Variants in KDM1B observed in about 807,000 individuals in gnomAD.
KDM1B encodes the protein lysine-specific histone demethylase 2.
Under a neutral mutation model 107.4 loss-of-function variants are expected in KDM1B, and 63 were observed. The ratio of observed to expected loss-of-function variants is 0.59; its 90% CI spans 0.48 to 0.72. The LOEUF (loss-of-function observed/expected upper bound fraction) is 0.72, where lower values mean the gene tolerates loss of function less well. Ranked by LOEUF, KDM1B falls within the 30% of genes least tolerant of loss-of-function variation. The pLI is 0.00. For missense variants in KDM1B, 749 were observed against 1,020.8 expected (o/e 0.73, Z 3.63); for synonymous variants, 363 against 363.9 (o/e 1.00, Z 0.03).
rs1477744562 is a variant in KDM1B at position 18,212,736 on chromosome 6, T to A, written c.1983+132T>A. ...CTCAAGGATTTCCTTTTCATTTGAG[T>A]AATTGTTCGTGAAGAACACAGAAGA... On this transcript the variant is annotated intron_variant, in intron 18 of 21. Transcript: ENST00000650836. This position sits in a 1 kb window ranked among gnomAD's most constrained non-coding sequence, Gnocchi z 5.2. 5 of 697,502 alleles carry A rather than the reference T, an allele frequency of 7.2e-6. No homozygotes were observed. The highest frequency in any genetic ancestry group is 1.3e-5 in the Non-Finnish European group (5 of 390,974). The allele number at this position is 697,502 out of a possible 1,614,324, so 43.2% of individuals were successfully genotyped here.
chr6:18,192,738 CA>C lies in KDM1B; in HGVS notation c.969+1370del, dbSNP rs534083654. Among the ~76,000 whole-genome samples, 509 of 125,062 alleles carry C rather than the reference CA, an allele frequency of 4.1e-3. 3 individuals are homozygous for C. The highest frequency in any genetic ancestry group is 3.4e-3 in the Non-Finnish European group (197 of 57,234). 82.0% of individuals were successfully genotyped at this position (125,062 alleles called of 152,430 possible). A position where few individuals can be genotyped will look rare whatever the true frequency, so the allele number is the denominator to read the frequency against. On this transcript the variant is annotated intron_variant, in intron 10 of 21. Transcript: ENST00000650836. Reference sequence around the variant, plus strand: ...TGGGCAAGATAGTGAGATCCCGTCTCAAAAAAAAAAAAATACAACAGAGAAA... The same window carrying C: ...TGGGCAAGATAGTGAGATCCCGTCTCAAAAAAAAAAAATACAACAGAGAAA...
intron 7 of KDM1B, among the ~76,000 whole-genome samples, chr6:18,184,003 A>G (rs1188570260): frequency 5.9e-5 from 9 of 151,982 alleles, no homozygotes; most frequent in African/African-American, 1.9e-4. Flanking sequence ...TCTTAGTGAA[A>G]TATACAAACA....
Position 18,184,093 on chromosome 6 carries a change from AAC to A in KDM1B, c.535-1672_535-1671del, listed in dbSNP as rs1351380708. On this transcript the variant is annotated intron_variant, in intron 7 of 21. Transcript: ENST00000650836. Reference sequence around the variant, plus strand: ...TAGCTGGCTCCCAGGAAAGTAACAGAACACACACCAGCCCCTTAGAAGCCCCG... The same window carrying A: ...TAGCTGGCTCCCAGGAAAGTAACAGAACACACCAGCCCCTTAGAAGCCCCG... Among the ~76,000 whole-genome samples the A allele has an allele frequency of 3.3e-5, 5 of 152,120 alleles. No individual in the cohort carries two copies. The South Asian group carries it at 1.0e-3, about 31-fold the overall frequency.
Position 18,204,647 on chromosome 6 carries a change from G to A in KDM1B, c.1532-890G>A, listed in dbSNP as rs934992044. 2.0e-5 allele frequency among the ~76,000 whole-genome samples: 3 copies of A among 152,222 alleles called. No individual in the cohort carries two copies. The highest frequency in any genetic ancestry group is 1.9e-4 in the East Asian group (1 of 5,202). On this transcript the variant is annotated intron_variant, in intron 14 of 21. Coordinates refer to ENST00000650836, the MANE Select transcript of KDM1B (RefSeq NM_001364614.2). This position sits in a 1 kb window ranked among gnomAD's most constrained non-coding sequence, Gnocchi z 4.9. ...TCTTCCAGCCCTGCTATAAAGGAAT[G>A]TAAGACAAAAATGATATCACAGGGC...
At chr6:18,189,411 A>G (rs1385119045) in intron 9 of KDM1B, among the ~76,000 whole-genome samples, 6 of 152,236 alleles carry the variant, frequency 3.9e-5, no homozygotes, top group Non-Finnish European at 8.8e-5. Context: ...TTTTAAACAG[A>G]CACTCTTTGA....
chr6:18,190,621 C>T, intron 9 of KDM1B, among the ~76,000 whole-genome samples: 1 of 151,696 alleles, frequency 6.6e-6, no homozygotes, highest in Non-Finnish European at 1.5e-5. Context: ...AAAAAGATAG[C>T]TGGGCATGGT....
chr6:18,185,907 C>A, intron 8 of KDM1B, 97 bp downstream of exon 8: 1 of 1,173,854 alleles, frequency 8.5e-7, no homozygotes, highest in South Asian at 1.3e-5. Flanking sequence ...ATTTCTTTCT[C>A]TTTGGTTGCT....
At chr6:18,188,025 C>T in intron 9 of KDM1B, 23 bp downstream of exon 9, 1 of 1,541,068 alleles carries the variant, frequency 6.5e-7, no homozygotes, top group Non-Finnish European at 8.8e-7. Context: ...CCTGGGACTC[C>T]CTGCTTTCTA....
At chr6:18,188,576 G>T (rs1483835195) in intron 9 of KDM1B, among the ~76,000 whole-genome samples, 1 of 152,090 alleles carries the variant, frequency 6.6e-6, no homozygotes, top group African/African-American at 2.4e-5. Flanking sequence ...CAAAAAAACT[G>T]CAGAGCAGGC....
chr6:18,158,156 T>C (rs1209647450), intron 2 of KDM1B, among the ~76,000 whole-genome samples: 1 of 151,982 alleles, frequency 6.6e-6, no homozygotes, highest in Non-Finnish European at 1.5e-5. Flanking sequence ...TCCAACAGTA[T>C]GATAGATGTT....
At chr6:18,219,448 T>A (rs191601572) in intron 21 of KDM1B, among the ~76,000 whole-genome samples, 2 of 152,316 alleles carry the variant, frequency 1.3e-5, no homozygotes, top group East Asian at 1.9e-4. Flanking sequence ...CTTATGCTAC[T>A]TTTGGGGGAG....
intron 5 of KDM1B, among the ~76,000 whole-genome samples, chr6:18,165,572 C>A (rs866600998): frequency 9.9e-5 from 15 of 152,124 alleles, no homozygotes; most frequent in African/African-American, 3.6e-4. Context: ...CCTATAATCC[C>A]AGCACTTTGG....
Position 18,201,772 on chromosome 6 carries a change from C to A in KDM1B, c.1531+115C>A. The A allele has an allele frequency of 1.2e-6, 1 of 858,686 alleles. No individual in the cohort carries two copies. The highest frequency in any genetic ancestry group is 1.8e-6 in the Non-Finnish European group (1 of 566,950). 53.2% of individuals were successfully genotyped at this position (858,686 alleles called of 1,614,324 possible). On this transcript the variant is annotated intron_variant, in intron 14 of 21. Coordinates refer to ENST00000650836, the MANE Select transcript of KDM1B (RefSeq NM_001364614.2). This position sits in a 1 kb window ranked among gnomAD's most constrained non-coding sequence, Gnocchi z 4.3. Reference sequence around the variant, plus strand: ...GGATGTCGGCAACAGGGTAGCCCTCCTGAGCATTTCTTTTGGACTGATGGA... The same window carrying A: ...GGATGTCGGCAACAGGGTAGCCCTCATGAGCATTTCTTTTGGACTGATGGA...
intron 7 of KDM1B, among the ~76,000 whole-genome samples, chr6:18,171,919 C>T (rs1261333345): frequency 6.6e-6 from 1 of 152,144 alleles, no homozygotes; most frequent in Non-Finnish European, 1.5e-5. Context: ...CCTGGAAGTT[C>T]CTTCAGTAGA....
chr6:18,197,297 G>A lies in KDM1B; in HGVS notation c.1146+64G>A, dbSNP rs1787714783. ...TCAGGACAAACGCTAGTCTGTTGCT[G>A]TTAATAAATATAGTAAAAGCCACAT... On this transcript the variant is annotated intron_variant, in intron 11 of 21. Coordinates refer to ENST00000650836, the MANE Select transcript of KDM1B (RefSeq NM_001364614.2). The surrounding 1 kb of genome is among the most constrained non-coding windows in gnomAD (Gnocchi z 4.5). The A allele has an allele frequency of 2.1e-6, 3 of 1,412,434 alleles. No individual in the cohort carries two copies. Among genetic ancestry groups the A allele is most frequent in the Non-Finnish European group, 2.9e-6 (3 of 1,029,338 alleles). 87.5% of individuals were successfully genotyped at this position (1,412,434 alleles called of 1,614,324 possible). A position where few individuals can be genotyped will look rare whatever the true frequency, so the allele number is the denominator to read the frequency against.
rs1178010433 is a variant in KDM1B at position 18,213,818 on chromosome 6, C to G, written c.2109+37C>G. ...CGTGAACTGTGGTTTGAATTTCCGTCTTAAAGTTTAGAATTTGATGTGATA... is the reference window on the plus strand; with the variant it reads ...CGTGAACTGTGGTTTGAATTTCCGTGTTAAAGTTTAGAATTTGATGTGATA... On this transcript the variant is annotated intron_variant, in intron 19 of 21. Coordinates refer to ENST00000650836, the MANE Select transcript of KDM1B (RefSeq NM_001364614.2). This position sits in a 1 kb window ranked among gnomAD's most constrained non-coding sequence, Gnocchi z 5.9. 6.2e-7 allele frequency: 1 copy of G among 1,611,376 alleles called. No individual in the cohort carries two copies. The highest frequency in any genetic ancestry group is 2.2e-5 in the East Asian group (1 of 44,852).
Position 18,213,628 on chromosome 6 carries a change from A to G in KDM1B, c.1984-28A>G. 1 of 1,613,448 alleles carries G rather than the reference A, an allele frequency of 6.2e-7. No homozygotes were observed. Among genetic ancestry groups the G allele is most frequent in the Non-Finnish European group, 8.5e-7 (1 of 1,179,462 alleles). The stretch of plus-strand genomic sequence containing the variant: ...TGTGGTTTTGTGACGACAGACACCT[A>G]ACCACCTTTCTTCTGCTCACTTTGC... On this transcript the variant is annotated intron_variant, in intron 18 of 21. Coordinates refer to ENST00000650836, the MANE Select transcript of KDM1B (RefSeq NM_001364614.2). The surrounding 1 kb of genome is among the most constrained non-coding windows in gnomAD (Gnocchi z 5.9).
rs147037134 is a variant in KDM1B, at chr6:18,172,910, T to A, written c.534+1431T>A. On this transcript the variant is annotated intron_variant, in intron 7 of 21. Transcript: ENST00000650836. This position sits in a 1 kb window ranked among gnomAD's most constrained non-coding sequence, Gnocchi z 5.2. ...TTCAAGACCAGCCTGGCCAACATGTTGAAACCCTGTCTCTAGTAAAAATAT... is the reference window on the plus strand; with the variant it reads ...TTCAAGACCAGCCTGGCCAACATGTAGAAACCCTGTCTCTAGTAAAAATAT... 6.5e-3 allele frequency among the ~76,000 whole-genome samples: 987 copies of A among 152,074 alleles called. 4 individuals carry two copies. The highest frequency in any genetic ancestry group is 0.011 in the Non-Finnish European group (723 of 67,966).
chr6:18,209,293 A>G lies in KDM1B; in HGVS notation c.1866+1087A>G, dbSNP rs1288230754. On this transcript the variant is annotated intron_variant, in intron 17 of 21. Coordinates refer to ENST00000650836, the MANE Select transcript of KDM1B (RefSeq NM_001364614.2). This position sits in a 1 kb window ranked among gnomAD's most constrained non-coding sequence, Gnocchi z 4.3. ...AAGTTTAGTTATATCTTAAGTGACT[A>G]TGAAAAAATATAATTGATGAACTAT... 2.0e-5 allele frequency among the ~76,000 whole-genome samples: 3 copies of G among 152,334 alleles called. No individual in the cohort carries two copies. The highest frequency in any genetic ancestry group is 1.9e-4 in the East Asian group (1 of 5,186).
Sources: gnomAD v4.1 joint callset for allele counts (sites outside exome capture counted in the v4.1 genomes callset) on GRCh38, gnomAD v4.1.1 for gene constraint, Gnocchi (gnomAD v3.1) non-coding constraint, MANE v1.5 for transcripts, NCBI Gene and HGNC (gene_info 2026-07-23, HGNC 2026-07-21) for gene names.